Variants in DLGAP4 observed in about 807,000 individuals in gnomAD.
DLGAP4 encodes DLG associated protein 4.
A neutral mutation model predicts 86.9 loss-of-function variants in DLGAP4; 18 were observed. The ratio of observed to expected loss-of-function variants is 0.21; its 90% CI spans 0.14 to 0.31. DLGAP4 has a LOEUF of 0.31. Among genes scored for constraint, DLGAP4 ranks in the 10% least tolerant of loss-of-function variants. The probability of loss-of-function intolerance (pLI) is 1.00; values close to 1 mark genes in which losing one functional copy is unlikely to be tolerated. For synonymous variants in DLGAP4, 548 were observed against 574.3 expected (o/e 0.95, Z 0.65); for missense variants, 1,085 against 1,362.6 (o/e 0.80, Z 3.21).
Position 36,461,724 on chromosome 20 carries a change from C to CCCGTCTGT in DLGAP4, c.1648+14793_1648+14800dup, listed in dbSNP as rs2034072690. On this transcript the variant is annotated intron_variant, in intron 7 of 12. Transcript: ENST00000339266. ...CGCCCTCCTCCTCCTCCTCCTCCTC[C>CCCGTCTGT]CCGTCTGTCCGTCCGTCCGTCCGTC... The CCCGTCTGT allele has an allele frequency of 5.6e-6, 5 of 892,880 alleles. No individual in the cohort carries two copies. In the Admixed American group the frequency reaches 2.8e-4, roughly 50 times the overall value. 55.3% of individuals were successfully genotyped at this position (892,880 alleles called of 1,614,324 possible).
At chr20:36,504,482 G>A (rs534932235) in intron 10 of DLGAP4, among the ~76,000 whole-genome samples, 10 of 152,282 alleles carry the variant, frequency 6.6e-5, no homozygotes, top group Middle Eastern at 3.4e-3. Flanking sequence ...GAAGACTGGC[G>A]TGTTTGAGTA....
At chr20:36,412,974 CTTTTCT>C (rs1250039574) in intron 2 of DLGAP4, among the ~76,000 whole-genome samples, 1 of 128,756 alleles carries the variant, frequency 7.8e-6, no homozygotes, top group Non-Finnish European at 1.5e-5. Context: ...TTCCAGAACT[CTTTTCT>C]TTTTTTTTTT....
Position 36,350,560 on chromosome 20 carries a change from C to G in DLGAP4, c.-303-16485C>G, listed in dbSNP as rs1488715511. On this transcript the variant is annotated intron_variant, in intron 1 of 12. Transcript: ENST00000339266. This position sits in a 1 kb window ranked among gnomAD's most constrained non-coding sequence, Gnocchi z 4.4. ...CTGATAGTGTCCATCTGTCATTTCC[C>G]TGGGGTGAATCAGATGATACAATGG... Among the ~76,000 whole-genome samples the G allele has an allele frequency of 6.6e-6, 1 of 152,196 alleles. No individual in the cohort carries two copies. Among genetic ancestry groups the G allele is most frequent in the African/African-American group, 2.4e-5 (1 of 41,432 alleles).
At chr20:36,356,994 T>C (rs1555893885) in intron 1 of DLGAP4, among the ~76,000 whole-genome samples, 2 of 152,072 alleles carry the variant, frequency 1.3e-5, no homozygotes, top group African/African-American at 4.8e-5. Context: ...AGGTGAACCA[T>C]TGTCAGCTCT....
At chr20:36,510,127 G>A (rs1184600644) in intron 10 of DLGAP4, among the ~76,000 whole-genome samples, 9 of 151,844 alleles carry the variant, frequency 5.9e-5, no homozygotes, top group Admixed American at 2.6e-4. Flanking sequence ...ATGAGCCACC[G>A]CGCCTGGCCT....
intron 10 of DLGAP4, among the ~76,000 whole-genome samples, chr20:36,510,266 TATTTA>T (rs2036617406): frequency 1.3e-5 from 2 of 152,026 alleles, no homozygotes. Flanking sequence ...ATTTATTTGT[TATTTA>T]ATTTTATTTT....
chr20:36,438,655 G>A (rs1264595214), intron 4 of DLGAP4, among the ~76,000 whole-genome samples: 1 of 148,744 alleles, frequency 6.7e-6, no homozygotes, highest in African/African-American at 2.5e-5. Context: ...GCCTCCCAAA[G>A]TGCTGGGATT....
chr20:36,408,283 T>A (rs1362659081), intron 2 of DLGAP4, among the ~76,000 whole-genome samples: 1 of 151,962 alleles, frequency 6.6e-6, no homozygotes, highest in Non-Finnish European at 1.5e-5. Context: ...CTTATTGTTA[T>A]CCAGGCAGTT....
At chr20:36,441,797 C>G (rs2033454010) in intron 5 of DLGAP4, among the ~76,000 whole-genome samples, 1 of 152,170 alleles carries the variant, frequency 6.6e-6, no homozygotes, top group African/African-American at 2.4e-5. Context: ...CAGCGTGTCT[C>G]CATCTCCATG....
intron 2 of DLGAP4, among the ~76,000 whole-genome samples, chr20:36,430,866 A>G (rs770449625): frequency 1.4e-4 from 21 of 151,292 alleles, no homozygotes; most frequent in Admixed American, 4.0e-4. Flanking sequence ...GAGGCAGGAG[A>G]ATCACTTGAA....
intron 2 of DLGAP4, among the ~76,000 whole-genome samples, chr20:36,391,195 G>A (rs577774394): frequency 6.6e-5 from 10 of 152,240 alleles, no homozygotes; most frequent in Admixed American, 5.9e-4. Context: ...GCAGTGGCCT[G>A]GGGACCTATA....
intron 1 of DLGAP4, among the ~76,000 whole-genome samples, chr20:36,313,231 G>A (rs1426354164): frequency 6.6e-6 from 1 of 152,168 alleles, no homozygotes; most frequent in Non-Finnish European, 1.5e-5. Context: ...AGTGCAGCTT[G>A]TAAACGGGAA....
chr20:36,316,855 C>G (rs1199617549), intron 1 of DLGAP4, among the ~76,000 whole-genome samples: 4 of 152,192 alleles, frequency 2.6e-5, no homozygotes, highest in African/African-American at 9.7e-5. Context: ...CACCTCCTCA[C>G]CTGGATCTGG....
rs150846692 is a variant in DLGAP4 at position 36,384,027 on chromosome 20, T to C, written c.-73+16752T>C. Among the ~76,000 whole-genome samples the C allele has an allele frequency of 7.6e-4, 114 of 150,180 alleles. 4 individuals are homozygous for C. The East Asian group carries it at 0.02, about 26-fold the overall frequency. ...AAAGAAAAAGAAATAGACCTGGAAG[T>C]AGCTTCTCAGGGCCTTACTAAATGT... On this transcript the variant is annotated intron_variant, in intron 2 of 12. Coordinates refer to ENST00000339266, the MANE Select transcript of DLGAP4 (RefSeq NM_001365621.2).
At chr20:36,348,473 A>T (rs1411159904) in intron 1 of DLGAP4, among the ~76,000 whole-genome samples, 1 of 151,686 alleles carries the variant, frequency 6.6e-6, no homozygotes, top group African/African-American at 2.4e-5. Context: ...TCTCGTTCTA[A>T]AGTGGCGCGA....
At chr20:36,498,773 C>T (rs2035994202) in intron 8 of DLGAP4, 1 of 157,158 alleles carries the variant, frequency 6.4e-6, no homozygotes, top group South Asian at 1.9e-4. Context: ...GTTTCTCCCT[C>T]ATTCTTGAGT....
At chr20:36,438,753 G>A (rs907455670) in intron 4 of DLGAP4, among the ~76,000 whole-genome samples, 1 of 143,436 alleles carries the variant, frequency 7.0e-6, no homozygotes, top group Non-Finnish European at 1.5e-5. Context: ...CTGTCGCCCA[G>A]GCTGGAGTGC....
At chr20:36,380,647 GAGAGAGAGA>G (rs2031352999) in intron 2 of DLGAP4, among the ~76,000 whole-genome samples, 1 of 104,626 alleles carries the variant, frequency 9.6e-6, no homozygotes, top group Non-Finnish European at 1.9e-5. Context: ...GAGAGAGAGA[GAGAGAGAGA>G]GAGAGAGAAT....
chr20:36,382,279 G>A (rs1409768548), intron 2 of DLGAP4, among the ~76,000 whole-genome samples: 1 of 151,968 alleles, frequency 6.6e-6, no homozygotes, highest in Non-Finnish European at 1.5e-5. Context: ...GAATGCAGTG[G>A]GGCAATCATA....
Sources: gnomAD v4.1 joint callset for allele counts (sites outside exome capture counted in the v4.1 genomes callset) on GRCh38, gnomAD v4.1.1 for gene constraint, Gnocchi (gnomAD v3.1) non-coding constraint, MANE v1.5 for transcripts, NCBI Gene and HGNC (gene_info 2026-07-23, HGNC 2026-07-21) for gene names.